MAPKAP1: variants seen among roughly 807,000 people sequenced by gnomAD.
MAPKAP1 encodes the protein target of rapamycin complex 2 subunit MAPKAP1.
MAPKAP1 carries 20 observed loss-of-function variants against 65.7 expected under a neutral mutation model. The observed-to-expected ratio is 0.30, with a 90% CI of 0.21 to 0.44. MAPKAP1 has a LOEUF of 0.44. Ranked by LOEUF, MAPKAP1 falls within the 20% of genes least tolerant of loss-of-function variation. The probability of loss-of-function intolerance (pLI) is 1.00; values close to 1 mark genes in which losing one functional copy is unlikely to be tolerated. For missense variants in MAPKAP1, 423 were observed against 648.0 expected, an observed-to-expected ratio of 0.65 and a Z score of 3.77; for synonymous variants, 222 against 244.3, an observed-to-expected ratio of 0.91 and a Z score of 0.85.
intron 10 of MAPKAP1, among the ~76,000 whole-genome samples, chr9:125,449,450 C>T (rs565994838): frequency 7.2e-5 from 11 of 152,204 alleles, no homozygotes; most frequent in Admixed American, 2.0e-4. Flanking sequence ...TTTTATAGTG[C>T]TATGTAAATA....
At chr9:125,516,663 G>A (rs1056931502) in intron 7 of MAPKAP1, among the ~76,000 whole-genome samples, 2 of 152,184 alleles carry the variant, frequency 1.3e-5, no homozygotes, top group African/African-American at 4.8e-5. Context: ...AATCCTAGAA[G>A]GCAGATGTGT....
chr9:125,506,229 C>A (rs1200055342), intron 8 of MAPKAP1, 81 bp downstream of exon 8: 2 of 1,198,922 alleles, frequency 1.7e-6, no homozygotes, highest in African/African-American at 1.5e-5. Context: ...GGAAACCAGA[C>A]CAGTGAGCGT....
intron 4 of MAPKAP1, among the ~76,000 whole-genome samples, chr9:125,648,368 C>A (rs1191573784): frequency 6.6e-6 from 1 of 152,178 alleles, no homozygotes; most frequent in East Asian, 1.9e-4. Context: ...CATCTGTACC[C>A]CCCTACATCT....
At chr9:125,692,914 T>C (rs932749119) in intron 1 of MAPKAP1, among the ~76,000 whole-genome samples, 2 of 152,166 alleles carry the variant, frequency 1.3e-5, no homozygotes, top group Non-Finnish European at 2.9e-5. Context: ...AGAACTGTCA[T>C]ATACCTTCGT....
rs1483080193 is a variant in MAPKAP1, at chr9:125,443,676, T to TAGCCCCGCCAGCCCCGCC, written c.1443+807_1443+824dup. Reference sequence around the variant, plus strand: ...CCACTCTGCAAGGCCCTGCACGGCCTAGCCCCGCCAGCCCCGCCAGCTCCC... The same window carrying TAGCCCCGCCAGCCCCGCC: ...CCACTCTGCAAGGCCCTGCACGGCCTAGCCCCGCCAGCCCCGCCAGCCCCGCCAGCCCCGCCAGCTCCC... On this transcript the variant is annotated intron_variant, in intron 11 of 11. Transcript: ENST00000265960. Among the ~76,000 whole-genome samples, 22 of 150,812 alleles carry TAGCCCCGCCAGCCCCGCC rather than the reference T, an allele frequency of 1.5e-4. No homozygotes were observed. In the East Asian group the frequency reaches 3.9e-3, roughly 27 times the overall value.
At chr9:125,491,255 G>A (rs947807901) in intron 8 of MAPKAP1, among the ~76,000 whole-genome samples, 10 of 151,964 alleles carry the variant, frequency 6.6e-5, no homozygotes, top group Admixed American at 5.9e-4. Context: ...ACCACCCTGT[G>A]CAACACGGCA....
intron 4 of MAPKAP1, among the ~76,000 whole-genome samples, chr9:125,652,829 C>T (rs1365613082): frequency 6.6e-6 from 1 of 152,158 alleles, no homozygotes; most frequent in Non-Finnish European, 1.5e-5. Context: ...GGACCAAAAC[C>T]CCACTGGACT....
In MAPKAP1 at chr9:125,551,649, C is replaced by CT. The variant is rs919838713; in HGVS notation, c.848+7983dup. The stretch of plus-strand genomic sequence containing the variant: ...ATTCTGACCATTTTATTGGCCTTGA[C>CT]TTTTTTTTTTTTCCTTTAATGCCCT... On this transcript the variant is annotated intron_variant, in intron 6 of 11. Transcript: ENST00000265960. Among the ~76,000 whole-genome samples, 236 of 146,282 alleles carry CT rather than the reference C, an allele frequency of 1.6e-3. 1 individual carries two copies. Among genetic ancestry groups the CT allele is most frequent in the Non-Finnish European group, 1.2e-3 (82 of 66,060 alleles).
chr9:125,597,560 A>G (rs1832175673), intron 4 of MAPKAP1, among the ~76,000 whole-genome samples: 1 of 152,260 alleles, frequency 6.6e-6, no homozygotes, highest in African/African-American at 2.4e-5. Context: ...TAAATTGAGT[A>G]TCAGATCTAA....
intron 4 of MAPKAP1, among the ~76,000 whole-genome samples, chr9:125,614,426 C>T (rs1405265256): frequency 1.3e-5 from 2 of 152,114 alleles, no homozygotes; most frequent in Non-Finnish European, 2.9e-5. Flanking sequence ...GAGTTCGAGA[C>T]CAGCCTGGCC....
At chr9:125,659,131 C>T (rs1393066666) in intron 3 of MAPKAP1, among the ~76,000 whole-genome samples, 1 of 152,154 alleles carries the variant, frequency 6.6e-6, no homozygotes, top group Non-Finnish European at 1.5e-5. Flanking sequence ...ATGGGAAGTA[C>T]TTTTCTACCT....
chr9:125,662,332 T>A (rs1051728828), intron 3 of MAPKAP1, among the ~76,000 whole-genome samples: 1 of 152,232 alleles, frequency 6.6e-6, no homozygotes, highest in South Asian at 2.1e-4. Context: ...TAGTGAGCCA[T>A]GTTCATGCCA....
intron 10 of MAPKAP1, among the ~76,000 whole-genome samples, chr9:125,462,131 C>T (rs1472127451): frequency 3.9e-5 from 6 of 152,178 alleles, no homozygotes; most frequent in Middle Eastern, 3.2e-3. Flanking sequence ...AGCGCACATG[C>T]GTGTGTTCTC....
chr9:125,597,000 A>C (rs1336970674), intron 4 of MAPKAP1, among the ~76,000 whole-genome samples: 1 of 148,134 alleles, frequency 6.8e-6, no homozygotes, highest in South Asian at 2.1e-4. Flanking sequence ...GCGGTGGCTT[A>C]TGCCTGTAAT....
At chr9:125,594,366 C>G (rs952580383) in intron 4 of MAPKAP1, among the ~76,000 whole-genome samples, 5 of 152,186 alleles carry the variant, frequency 3.3e-5, no homozygotes, top group Admixed American at 3.3e-4. Context: ...GTACACTGAA[C>G]AGTAATTAAG....
chr9:125,535,493 T>C (rs1830047582), intron 7 of MAPKAP1, among the ~76,000 whole-genome samples: 2 of 152,136 alleles, frequency 1.3e-5, no homozygotes, highest in Non-Finnish European at 2.9e-5. Context: ...CAGGCAGCAT[T>C]TGATGACAGA....
intron 2 of MAPKAP1, among the ~76,000 whole-genome samples, chr9:125,670,999 ATATC>A (rs1834481309): frequency 4.3e-5 from 1 of 23,060 alleles, no homozygotes; most frequent in Non-Finnish European, 1.7e-3. Context: ...CAATGTCACT[ATATC>A]TAACCAACAC....
chr9:125,467,626 A>T (rs932616907), intron 10 of MAPKAP1, among the ~76,000 whole-genome samples: 1 of 152,174 alleles, frequency 6.6e-6, no homozygotes, highest in Non-Finnish European at 1.5e-5. Flanking sequence ...CAAGTCCCCC[A>T]AATGGGAAGG....
chr9:125,655,891 G>A (rs567974354), intron 4 of MAPKAP1, among the ~76,000 whole-genome samples: 8 of 152,274 alleles, frequency 5.3e-5, no homozygotes, highest in East Asian at 1.9e-4. Flanking sequence ...CACATCTAGC[G>A]AGAATAATTC....
Sources: gnomAD v4.1 joint callset for allele counts (sites outside exome capture counted in the v4.1 genomes callset) on GRCh38, gnomAD v4.1.1 for gene constraint, MANE v1.5 for transcripts, NCBI Gene and HGNC (gene_info 2026-07-23, HGNC 2026-07-21) for gene names.